Variants in PGAP2 observed in about 807,000 individuals in gnomAD.
PGAP2 encodes acyltransferase PGAP2.
In PGAP2, 21 loss-of-function variants were observed where a neutral mutation model predicts 33.2. The ratio of observed to expected loss-of-function variants is 0.63; its 90% CI spans 0.45 to 0.91. The LOEUF is 0.91. Ranked by LOEUF, PGAP2 falls within the 40% of genes least tolerant of loss-of-function variation. PGAP2 has a pLI of 0.00. For synonymous variants in PGAP2, 161 were observed against 172.9 expected (o/e 0.93, Z 0.54); for missense variants, 345 against 424.0 (o/e 0.81, Z 1.64).
chr11:3,801,361 AGCCGGGCATGGTGGC>A (rs1384418305), intron 1 of PGAP2, among the ~76,000 whole-genome samples: 1 of 151,870 alleles, frequency 6.6e-6, no homozygotes, highest in South Asian at 2.1e-4. Context: ...AATGTATCCC[AGCCGGGCATGGTGGC>A]TCAAGCCTGT....
intron 2 of PGAP2, among the ~76,000 whole-genome samples, chr11:3,812,977 C>T (rs1162963109): frequency 6.6e-6 from 1 of 152,198 alleles, no homozygotes; most frequent in Non-Finnish European, 1.5e-5. Flanking sequence ...TACCTATTAT[C>T]TCAGATAATG....
intron 2 of PGAP2, among the ~76,000 whole-genome samples, chr11:3,814,603 GT>G (rs2086344086): frequency 6.7e-6 from 1 of 150,196 alleles, no homozygotes; most frequent in African/African-American, 2.5e-5. Flanking sequence ...AACAGAGATA[GT>G]TTCTCACTAT....
At chr11:3,814,744 CTTCT>C (rs1205908890) in intron 2 of PGAP2, among the ~76,000 whole-genome samples, 3 of 95,908 alleles carry the variant, frequency 3.1e-5, no homozygotes, top group Admixed American at 2.2e-4. Context: ...TCCTTCTTTC[CTTCT>C]TTTCTTTCTT....
Position 3,808,570 on chromosome 11 carries a change from T to C in PGAP2, c.-92T>C, listed in dbSNP as rs569950838. 4.4e-6 allele frequency: 6 copies of C among 1,375,250 alleles called. No individual in the cohort carries two copies. The African/African-American group carries it at 7.5e-5, about 17-fold the overall frequency. 85.2% of individuals were successfully genotyped at this position (1,375,250 alleles called of 1,614,324 possible). On this transcript the variant is annotated 5_prime_UTR_variant, in exon 1 of 7. Coordinates refer to ENST00000278243, the MANE Select transcript of PGAP2 (RefSeq NM_014489.4). ...GGCCCCGCCCCCGCCGTTCGCGCTC[T>C]GACCAGCCCGCAGAGCCAGCCCCCG...
At chr11:3,805,100 G>A (rs902303268), upstream of PGAP2, among the ~76,000 whole-genome samples, 3 of 152,074 alleles carry the variant, frequency 2.0e-5, no homozygotes, top group Non-Finnish European at 4.4e-5. Context: ...AGAAAGGGTC[G>A]GTGACAGCCA....
rs765384706 is a variant in PGAP2, at chr11:3,811,441, C to G, written c.165+17C>G. On this transcript the variant is annotated intron_variant, in intron 2 of 6. Coordinates refer to ENST00000278243, the MANE Select transcript of PGAP2 (RefSeq NM_014489.4). This position sits in a 1 kb window ranked among gnomAD's most constrained non-coding sequence, Gnocchi z 4.6. ...CACTGTGGGGTAGGGCATGGGGACA[C>G]TGATACCTCATATTCAGGCCGATCT... The G allele has an allele frequency of 1.2e-6, 2 of 1,607,904 alleles. No individual in the cohort carries two copies. The highest frequency in any genetic ancestry group is 3.4e-5 in the Admixed American group (2 of 59,572).
intron 1 of PGAP2, chr11:3,798,193 T>G: frequency 7.8e-7 from 1 of 1,283,690 alleles, no homozygotes; most frequent in Non-Finnish European, 1.0e-6. Flanking sequence ...CAGCACTTTC[T>G]TTCCCTCCCT....
At chr11:3,824,761 A>C (rs911815444) in intron 5 of PGAP2, 3 of 1,400,524 alleles carry the variant, frequency 2.1e-6, no homozygotes. Context: ...TTGGTGGGTG[A>C]CTCCATGTAA....
chr11:3,809,149 C>A (rs1390817961), intron 1 of PGAP2, among the ~76,000 whole-genome samples: 1 of 152,134 alleles, frequency 6.6e-6, no homozygotes, highest in Non-Finnish European at 1.5e-5. Flanking sequence ...TCCGTAGGCA[C>A]TCAGTAAATG....
intron 1 of PGAP2, among the ~76,000 whole-genome samples, chr11:3,799,236 G>A (rs553299042): frequency 1.3e-5 from 2 of 152,268 alleles, no homozygotes; most frequent in East Asian, 1.9e-4. Context: ...GGAACTGTGC[G>A]CAGAAAGCAA....
intron 1 of PGAP2, among the ~76,000 whole-genome samples, chr11:3,803,379 G>A (rs375397792): frequency 2.1e-4 from 31 of 151,168 alleles, no homozygotes; most frequent in Non-Finnish European, 2.9e-4. Flanking sequence ...CACCTGCCTC[G>A]GCCTCCCAAA....
chr11:3,808,117 A>G (rs1010115819), upstream of PGAP2: 35 of 1,459,608 alleles, frequency 2.4e-5, no homozygotes, highest in Admixed American at 2.1e-4. Context: ...AATGTCCCCA[A>G]CCGCCCTGAC....
At chr11:3,807,453 G>A (rs1169504291), upstream of PGAP2, among the ~76,000 whole-genome samples, 2 of 149,230 alleles carry the variant, frequency 1.3e-5, no homozygotes, top group African/African-American at 2.5e-5. Context: ...GATTACGGGC[G>A]CCCGCCACCG....
chr11:3,813,972 T>C (rs538375230), intron 2 of PGAP2, among the ~76,000 whole-genome samples: 8 of 152,312 alleles, frequency 5.3e-5, no homozygotes, highest in Non-Finnish European at 1.0e-4. Context: ...TTGGTCCCTC[T>C]GGAGCAGTAC....
chr11:3,808,416 C>G, upstream of PGAP2: 1 of 1,544,992 alleles, frequency 6.5e-7, no homozygotes, highest in Middle Eastern at 1.9e-4. Context: ...CAGACCCGGG[C>G]TGTAAAGCAT....
intron 1 of PGAP2, among the ~76,000 whole-genome samples, chr11:3,810,442 C>A (rs1425738455): frequency 1.3e-5 from 2 of 152,186 alleles, no homozygotes; most frequent in African/African-American, 4.8e-5. Context: ...TTGGTATACA[C>A]TTATTTGTTA....
chr11:3,808,594 C>G lies in PGAP2; in HGVS notation c.-68C>G, dbSNP rs2084903135. On this transcript the variant is annotated 5_prime_UTR_variant, in exon 1 of 7. Coordinates refer to ENST00000278243, the MANE Select transcript of PGAP2 (RefSeq NM_014489.4). ...CTGACCAGCCCGCAGAGCCAGCCCCCGACCCCGGGCCACCTGGGCCCCCGG... is the reference window on the plus strand; with the variant it reads ...CTGACCAGCCCGCAGAGCCAGCCCCGGACCCCGGGCCACCTGGGCCCCCGG... 2 of 1,340,416 alleles carry G rather than the reference C, an allele frequency of 1.5e-6. No individual in the cohort carries two copies. The highest frequency in any genetic ancestry group is 3.1e-5 in the African/African-American group (2 of 65,430). 83.0% of individuals were successfully genotyped at this position (1,340,416 alleles called of 1,614,324 possible).
intron 3 of PGAP2, among the ~76,000 whole-genome samples, chr11:3,821,829 G>A (rs1001281707): frequency 1.5e-4 from 22 of 147,568 alleles, no homozygotes; most frequent in African/African-American, 5.4e-4. Flanking sequence ...TTGAGAGGCC[G>A]AGGGGGGTGG....
At chr11:3,807,993 A>C (rs75453245), upstream of PGAP2, 148,940 of 1,283,006 alleles carry the variant, frequency 0.12, 9,500 homozygotes, top group Middle Eastern at 0.15. Flanking sequence ...TTTCTGCGCT[A>C]CGTAGGACAG....
Sources: allele counts gnomAD v4.1 joint callset (sites outside exome capture counted in the v4.1 genomes callset), GRCh38; gene constraint gnomAD v4.1.1; non-coding constraint Gnocchi (gnomAD v3.1); transcripts MANE v1.5; gene names NCBI Gene and HGNC (gene_info 2026-07-23, HGNC 2026-07-21).